Variants in GPATCH3 observed in about 807,000 individuals in gnomAD.
GPATCH3 encodes G patch domain-containing protein 3.
Under a neutral mutation model 53.2 loss-of-function variants are expected in GPATCH3, and 45 were observed. The ratio of observed to expected loss-of-function variants is 0.85; its 90% confidence interval spans 0.67 to 1.08. The LOEUF is 1.08. Among genes scored for constraint, GPATCH3 ranks in the 50% least tolerant of loss-of-function variants. The probability of loss-of-function intolerance (pLI) is 0.00; values close to 1 mark genes in which losing one functional copy is unlikely to be tolerated. For missense variants in GPATCH3, 680 were observed against 687.2 expected (o/e 0.99, Z 0.12); for synonymous variants, 280 against 270.6 (o/e 1.03, Z -0.34).
chr1:26,893,261 C>T, intron 4 of GPATCH3, 128 bp downstream of exon 4: 1 of 783,758 alleles, frequency 1.3e-6, no homozygotes, highest in Non-Finnish European at 2.3e-6. Flanking sequence ...AAGAGGAACC[C>T]TCTCAGTGGG....
rs370948033 is a variant in GPATCH3, at chr1:26,894,201, G to C, written c.1051+35C>G. On this transcript the variant is annotated intron_variant, in intron 3 of 6. Transcript: ENST00000361720. ...GGGAACCCCAAAAGAATGCAGCAGG[G>C]GTCACCCCTGCCTTTGCCTGGGTAC... is the stretch of plus-strand genomic sequence containing the variant. 4 of 1,601,992 alleles carry C rather than the reference G, an allele frequency of 2.5e-6. No homozygotes were observed. In the African/African-American group the frequency reaches 5.4e-5, roughly 21 times the overall value.
At chr1:26,895,578 G>A (rs762430444) in intron 2 of GPATCH3, among the ~76,000 whole-genome samples, 12 of 149,698 alleles carry the variant, frequency 8.0e-5, no homozygotes, top group South Asian at 2.1e-4. Flanking sequence ...GAAGAGGAGA[G>A]GGGAAGTCAG....
chr1:26,893,614 G>A (rs1439443196), intron 3 of GPATCH3, among the ~76,000 whole-genome samples, 166 bp from the exon 4 acceptor site: 2 of 132,634 alleles, frequency 1.5e-5, no homozygotes, highest in South Asian at 2.6e-4. Context: ...TCTGCCTCCC[G>A]GGTTCAAGTG....
chr1:26,900,325 G>A lies in GPATCH3; in HGVS notation c.118C>T (p.Arg40Cys), dbSNP rs1449555269. The change falls in exon 1 of 7, where the codon CGC becomes TGC. Residue 40 changes from arginine (R) to cysteine (C), a missense_variant. Arg to Cys is a radical substitution (Grantham distance 180). Coordinates refer to ENST00000361720, the MANE Select transcript of GPATCH3 (RefSeq NM_022078.3). Reference sequence around the variant, plus strand: ...TGGAAACAGAGGAAGCCACCGCCGCGCTCTTCTCGGAACTGGCTAAAATAG... The same window carrying A: ...TGGAAACAGAGGAAGCCACCGCCGCACTCTTCTCGGAACTGGCTAAAATAG... ...RSYFSQFREE[R>C]GGGFLCFHYR... is the part of the protein sequence containing the mutation. 1 of 1,614,076 alleles carries A rather than the reference G, an allele frequency of 6.2e-7. No homozygotes were observed. The highest frequency in any genetic ancestry group is 1.1e-5 in the South Asian group (1 of 91,086).
Position 26,900,119 on chromosome 1 carries a change from T to C in GPATCH3, c.324A>G (p.Val108=). The part of the protein sequence containing the change: ...QTRTCCCVIS[V]RGLAQAQRLI... ...GCCTCTGAGCTTGAGCCAACCCCCTTACCGAGATGACGCAGCAGCAGGTGC... is the reference window on the plus strand; with the variant it reads ...GCCTCTGAGCTTGAGCCAACCCCCTCACCGAGATGACGCAGCAGCAGGTGC... Residue 108 remains valine, a synonymous_variant, in exon 1 of 7, where the codon GTA becomes GTG. Coordinates refer to ENST00000361720, the MANE Select transcript of GPATCH3 (RefSeq NM_022078.3). 6.2e-7 allele frequency: 1 copy of C among 1,614,046 alleles called. No individual in the cohort carries two copies. Among genetic ancestry groups the C allele is most frequent in the Admixed American group, 1.7e-5 (1 of 60,004 alleles).
chr1:26,900,362 G>T lies in GPATCH3; in HGVS notation c.81C>A (p.Ala27=). 5 of 1,614,036 alleles carry T rather than the reference G, an allele frequency of 3.1e-6. No homozygotes were observed. Among genetic ancestry groups the T allele is most frequent in the Non-Finnish European group, 4.2e-6 (5 of 1,180,024 alleles). Residue 27 remains alanine, a synonymous_variant, in exon 1 of 7, where the codon GCC becomes GCA. Coordinates refer to ENST00000361720, the MANE Select transcript of GPATCH3 (RefSeq NM_022078.3). ...VSGIPSVLRS[A]HLRSYFSQFR... ...ACTGGCTAAAATAGCTCCGTAAATG[G>T]GCCGAGCGCAACACGGAGGGGATAC...
intron 2 of GPATCH3, among the ~76,000 whole-genome samples, chr1:26,896,519 GTC>G (rs1289116425): frequency 7.0e-6 from 1 of 143,880 alleles, no homozygotes; most frequent in Non-Finnish European, 1.5e-5. Context: ...GTGAAACCCT[GTC>G]TCTACTAAAA....
Position 26,900,454 on chromosome 1 carries a change from A to C in GPATCH3, c.-12T>G. 3 of 1,604,120 alleles carry C rather than the reference A, an allele frequency of 1.9e-6. No individual in the cohort carries two copies. The highest frequency in any genetic ancestry group is 2.6e-6 in the Non-Finnish European group (3 of 1,173,764). On this transcript the variant is annotated 5_prime_UTR_variant, in exon 1 of 7. It removes the in-frame stop codon of an upstream open reading frame in the 5' UTR. Transcript: ENST00000361720. ...CCGGGCACCGCCATCTTGGATTGTC[A>C]CATGATCAGCTAGAACCAAGTCTCG...
At position 26,892,443 on chromosome 1, in the gene GPATCH3, A is replaced by G. The variant is rs769782942; in HGVS notation, c.1329T>C (p.Asp443=). 3 of 1,613,882 alleles carry G rather than the reference A, an allele frequency of 1.9e-6. No homozygotes were observed. Among genetic ancestry groups the G allele is most frequent in the Non-Finnish European group, 2.5e-6 (3 of 1,179,878 alleles). The change falls in exon 6 of 7, where the codon GAT becomes GAC. Residue 443 remains aspartate, a synonymous_variant. Transcript: ENST00000361720. ...CSGVPEALDS[D]GQHPRCKRGL... ...CACGCTTGCATCTGGGGTGTTGGCC[A>G]TCACTATCCAGGGCCTCAGGCACCC...
At position 26,897,303 on chromosome 1, in the gene GPATCH3, C is replaced by A; in HGVS notation, c.874G>T (p.Glu292Ter). 1 of 1,613,892 alleles carries A rather than the reference C, an allele frequency of 6.2e-7. No homozygotes were observed. Residue 292 changes from glutamate to a stop codon, truncating the protein, a stop_gained and splice_region_variant, in exon 2 of 7, where the codon GAG becomes TAG. Coordinates refer to ENST00000361720, the MANE Select transcript of GPATCH3 (RefSeq NM_022078.3). LOFTEE classifies it high-confidence loss of function. ...KEEEEESHSD[E>*]DDDRGEEWER... ...ACAGGGTAGCACACTGTACTCACCTCATCTGAGTGAGACTCTTCTTCCTCT... is the reference window on the plus strand; with the variant it reads ...ACAGGGTAGCACACTGTACTCACCTAATCTGAGTGAGACTCTTCTTCCTCT...
chr1:26,890,743 A>G lies in GPATCH3; in HGVS notation c.*267T>C. On this transcript the variant is annotated 3_prime_UTR_variant, in exon 7 of 7. Transcript: ENST00000361720. ...TCAACCCAGCTTTTCAAAGTTCTGC[A>G]GGAGGCAAAGGGCAAGCCCAGAGAT... 1 of 666,056 alleles carries G rather than the reference A, an allele frequency of 1.5e-6. No homozygotes were observed. The highest frequency in any genetic ancestry group is 2.8e-6 in the Non-Finnish European group (1 of 351,514). The allele number at this position is 666,056 out of a possible 1,614,324, so 41.3% of individuals were successfully genotyped here.
intron 2 of GPATCH3, among the ~76,000 whole-genome samples, chr1:26,896,539 A>T (rs536386008): frequency 7.4e-5 from 11 of 147,986 alleles, no homozygotes; most frequent in African/African-American, 1.5e-4. Context: ...AAAATAAAAA[A>T]AAAAAAAAAA....
chr1:26,899,721 T>G (rs537544239), intron 1 of GPATCH3, among the ~76,000 whole-genome samples: 3 of 152,296 alleles, frequency 2.0e-5, no homozygotes, highest in South Asian at 4.1e-4. Context: ...CCTTTTTTCT[T>G]TCTGTGTTAG....
rs111242927 is a variant in GPATCH3, at chr1:26,896,894, C to T, written c.876+407G>A. ...AAAATTAGCCGGGTATGGTGGTGGC[C>T]GCCTGTAGTCCCAGCTACTTGGGAG... is the stretch of plus-strand genomic sequence containing the variant. On this transcript the variant is annotated intron_variant, in intron 2 of 6. Transcript: ENST00000361720. Among the ~76,000 whole-genome samples the T allele has an allele frequency of 5.3e-5, 8 of 149,784 alleles. 1 individual carries two copies. Among genetic ancestry groups the T allele is most frequent in the African/African-American group, 2.0e-4 (8 of 40,566 alleles).
chr1:26,892,968 G>A, intron 4 of GPATCH3, 177 bp from the exon 5 acceptor site: 1 of 706,292 alleles, frequency 1.4e-6, no homozygotes, highest in Non-Finnish European at 2.4e-6. Context: ...TCATACAGAT[G>A]AGAAGATTGT....
chr1:26,890,952 A>G lies in GPATCH3; in HGVS notation c.*58T>C. On this transcript the variant is annotated 3_prime_UTR_variant, in exon 7 of 7. Coordinates refer to ENST00000361720, the MANE Select transcript of GPATCH3 (RefSeq NM_022078.3). ...AGACTCCTTTCTGCTTCAGTGGTAG[A>G]TGAGGCCAGGGCAGAGGGTTTTCAT... 1 of 1,481,870 alleles carries G rather than the reference A, an allele frequency of 6.7e-7. No individual in the cohort carries two copies. The highest frequency in any genetic ancestry group is 9.4e-7 in the Non-Finnish European group (1 of 1,060,104). 91.8% of individuals were successfully genotyped at this position (1,481,870 alleles called of 1,614,324 possible).
rs2081957050 is a variant in GPATCH3, at chr1:26,897,584, G to A, written c.593C>T (p.Pro198Leu). The A allele has an allele frequency of 1.9e-6, 3 of 1,614,174 alleles. No homozygotes were observed. The highest frequency in any genetic ancestry group is 8.5e-7 in the Non-Finnish European group (1 of 1,180,042). The change falls in exon 2 of 7, where the codon CCC (proline) becomes CTC (leucine). Residue 198 changes from proline to leucine, a missense_variant. Transcript: ENST00000361720. ...GATCAACTCCAAAAAGACCCGCAGG[G>A]GAGTCCCCACATTCCCTCTGGGCAT... Reference protein sequence around the residue: ...VLMPRGNVGTPLRVFLELIRA... With the variant: ...VLMPRGNVGTLLRVFLELIRA...
Position 26,897,413 on chromosome 1 carries a change from T to C in GPATCH3, c.764A>G (p.Glu255Gly), listed in dbSNP as rs2081955939. ...VEQEELVYTA[E>G]GEEIPQGTYL... ...GGTTCCTTGGGGTATTTCTTCACCC[T>C]CTGCTGTATACACAAGCTCTTCCTG... Residue 255 changes from glutamate to glycine, a missense_variant, in exon 2 of 7, where the codon GAG becomes GGG. Coordinates refer to ENST00000361720, the MANE Select transcript of GPATCH3 (RefSeq NM_022078.3). 3.7e-6 allele frequency: 6 copies of C among 1,614,074 alleles called. No individual in the cohort carries two copies. Among genetic ancestry groups the C allele is most frequent in the Admixed American group, 1.7e-5 (1 of 59,992 alleles).
intron 2 of GPATCH3, among the ~76,000 whole-genome samples, chr1:26,896,314 ATTT>A (rs921749071): frequency 6.9e-6 from 1 of 144,722 alleles, no homozygotes; most frequent in Non-Finnish European, 1.5e-5. Flanking sequence ...TTCATGTGGA[ATTT>A]TTTTTTTTTT....
Sources: gnomAD v4.1 joint callset for allele counts (sites outside exome capture counted in the v4.1 genomes callset) on GRCh38, gnomAD v4.1.1 for gene constraint, MANE v1.5 for transcripts, NCBI Gene and HGNC (gene_info 2026-07-23, HGNC 2026-07-21) for gene names.